PDZRN3: variants seen among roughly 807,000 people sequenced by gnomAD.
The protein encoded by PDZRN3 is E3 ubiquitin-protein ligase PDZRN3.
A neutral mutation model predicts 85.7 loss-of-function variants in PDZRN3; 38 were observed. The ratio of observed to expected loss-of-function variants is 0.44; its 90% CI spans 0.34 to 0.58. The LOEUF is 0.58. Ranked by LOEUF, PDZRN3 falls within the 20% of genes least tolerant of loss-of-function variation. The probability of loss-of-function intolerance (pLI) is 0.01; values close to 1 mark genes in which losing one functional copy is unlikely to be tolerated. For synonymous variants in PDZRN3, 759 were observed against 638.0 expected, an observed-to-expected ratio of 1.19 and a Z score of -2.86; for missense variants, 1,629 against 1,506.4, an observed-to-expected ratio of 1.08 and a Z score of -1.35.
chr3:73,618,682 C>T (rs996614717), intron 1 of PDZRN3, among the ~76,000 whole-genome samples: 1 of 152,216 alleles, frequency 6.6e-6, no homozygotes, highest in African/African-American at 2.4e-5. Context: ...TATAGCGAGG[C>T]AAGCACCATT....
rs569755805 is a variant in PDZRN3 at position 73,383,206 on chromosome 3, T to C, written c.*159A>G. 3.6e-5 allele frequency: 22 copies of C among 611,498 alleles called. No homozygotes were observed. The highest frequency in any genetic ancestry group is 6.6e-5 in the Admixed American group (2 of 30,420). 37.9% of individuals were successfully genotyped at this position (611,498 alleles called of 1,614,324 possible). On this transcript the variant is annotated 3_prime_UTR_variant, in exon 10 of 10. Coordinates refer to ENST00000263666, the MANE Select transcript of PDZRN3 (RefSeq NM_015009.3). ...TGTTTTTCTCTCTCTTCCCTTAAAA[T>C]AGACCTATGACACCCAGAGTTGTAG...
intron 3 of PDZRN3, among the ~76,000 whole-genome samples, chr3:73,518,653 C>A (rs929245008): frequency 6.6e-6 from 1 of 152,034 alleles, no homozygotes; most frequent in Non-Finnish European, 1.5e-5. Flanking sequence ...TTCATAGTTC[C>A]AGAGGCTGAG....
chr3:73,458,289 C>T (rs1285984622), intron 3 of PDZRN3, among the ~76,000 whole-genome samples: 1 of 151,798 alleles, frequency 6.6e-6, no homozygotes, highest in East Asian at 1.9e-4. Flanking sequence ...ATGCCCGTAA[C>T]AGCTGTTAAC....
At chr3:73,586,755 T>C (rs1702284228) in intron 3 of PDZRN3, among the ~76,000 whole-genome samples, 1 of 152,108 alleles carries the variant, frequency 6.6e-6, no homozygotes, top group Admixed American at 6.5e-5. Context: ...GATACAAATC[T>C]CCTCAACTGG....
intron 3 of PDZRN3, among the ~76,000 whole-genome samples, chr3:73,574,723 G>T (rs1702098151): frequency 6.6e-6 from 1 of 152,164 alleles, no homozygotes; most frequent in Admixed American, 6.5e-5. Context: ...CCTCCCAAAG[G>T]GGGAACAAGC....
chr3:73,388,268 A>G (rs1037692827), intron 7 of PDZRN3, 199 bp from the exon 8 acceptor site: 9 of 431,706 alleles, frequency 2.1e-5, no homozygotes, highest in African/African-American at 1.2e-4. Context: ...TCTCTGGTCT[A>G]TAAGGGAGCC....
chr3:73,514,112 T>C (rs1024399082), intron 3 of PDZRN3, among the ~76,000 whole-genome samples: 4 of 152,222 alleles, frequency 2.6e-5, no homozygotes, highest in Admixed American at 2.6e-4. Flanking sequence ...AAAGGATACT[T>C]AGAAGTACTT....
At chr3:73,607,396 C>G (rs73838587) in intron 2 of PDZRN3, among the ~76,000 whole-genome samples, 19,999 of 152,068 alleles carry the variant, frequency 0.13, 1,961 homozygotes, top group African/African-American at 0.28. Context: ...CTCCAACGGC[C>G]CCTCCCCAGG....
At chr3:73,461,952 G>A (rs1287741957) in intron 3 of PDZRN3, among the ~76,000 whole-genome samples, 1 of 152,106 alleles carries the variant, frequency 6.6e-6, no homozygotes, top group African/African-American at 2.4e-5. Context: ...TAAATACACA[G>A]AATCTCATAT....
chr3:73,385,603 T>C (rs1399615343), intron 9 of PDZRN3, 66 bp downstream of exon 9: 1 of 945,202 alleles, frequency 1.1e-6, no homozygotes, highest in Non-Finnish European at 1.7e-6. Context: ...TAAAGGGAGA[T>C]GGAGGAAGCA....
intron 3 of PDZRN3, among the ~76,000 whole-genome samples, chr3:73,510,591 T>G (rs1170307263): frequency 6.6e-6 from 1 of 152,194 alleles, no homozygotes; most frequent in Admixed American, 6.5e-5. Flanking sequence ...GATCGACTCC[T>G]GCAGTGGGGA....
At chr3:73,472,920 T>C (rs1428671894) in intron 3 of PDZRN3, among the ~76,000 whole-genome samples, 1 of 152,222 alleles carries the variant, frequency 6.6e-6, no homozygotes, top group Admixed American at 6.5e-5. Flanking sequence ...CAAATATGCA[T>C]TCAAGATATA....
At chr3:73,487,697 C>G (rs969470132) in intron 3 of PDZRN3, among the ~76,000 whole-genome samples, 1 of 152,172 alleles carries the variant, frequency 6.6e-6, no homozygotes, top group African/African-American at 2.4e-5. Context: ...CCTTGATTTT[C>G]TCCAAGCACC....
At position 73,624,922 on chromosome 3, in the gene PDZRN3, T is replaced by G; in HGVS notation, c.-97A>C. ...CAGGCCGGCTACGCCGCCCGCGCGC[T>G]CGCTGGCTCTCCCCGGACTGAGCCT... On this transcript the variant is annotated 5_prime_UTR_variant, in exon 1 of 10. Coordinates refer to ENST00000263666, the MANE Select transcript of PDZRN3 (RefSeq NM_015009.3). The G allele has an allele frequency of 2.1e-6, 2 of 934,054 alleles. No homozygotes were observed. Among genetic ancestry groups the G allele is most frequent in the Non-Finnish European group, 2.8e-6 (2 of 714,916 alleles). The allele number at this position is 934,054 out of a possible 1,614,324, so 57.9% of individuals were successfully genotyped here. A position where few individuals can be genotyped will look rare whatever the true frequency, so the allele number is the denominator to read the frequency against.
chr3:73,488,990 T>A (rs149021552), intron 3 of PDZRN3, among the ~76,000 whole-genome samples: 1 of 152,336 alleles, frequency 6.6e-6, no homozygotes, highest in East Asian at 1.9e-4. Flanking sequence ...TCGATAGGCC[T>A]AACGCATCCT....
At position 73,624,497 on chromosome 3, in the gene PDZRN3, G is replaced by A; in HGVS notation, c.329C>T (p.Ala110Val). ...GCCGCAACCCGCGTGGCGACAGCGC[G>A]CGGGCGCGAAGTCGCAGCGCTCGAG... Reference protein sequence around the residue: ...EHLERCDFAPARCRHAGCGQV... With the variant: ...EHLERCDFAPVRCRHAGCGQV... Residue 110 changes from alanine to valine, a missense_variant, in exon 1 of 10, where the codon GCG (alanine) becomes GTG (valine). Ala to Val is a moderately conservative substitution (Grantham distance 64). Transcript: ENST00000263666. The A allele has an allele frequency of 8.4e-6, 12 of 1,423,634 alleles. No individual in the cohort carries two copies. Among genetic ancestry groups the A allele is most frequent in the Non-Finnish European group, 1.1e-5 (12 of 1,096,080 alleles). 88.2% of individuals were successfully genotyped at this position (1,423,634 alleles called of 1,614,324 possible).
chr3:73,474,036 C>G (rs1221983635), intron 3 of PDZRN3, among the ~76,000 whole-genome samples: 2 of 152,226 alleles, frequency 1.3e-5, no homozygotes, highest in East Asian at 3.8e-4. Context: ...AGCCTGGACT[C>G]AAACCTAAGC....
At chr3:73,592,959 G>A (rs915150218) in intron 3 of PDZRN3, among the ~76,000 whole-genome samples, 2 of 152,040 alleles carry the variant, frequency 1.3e-5, no homozygotes, top group Non-Finnish European at 1.5e-5. Context: ...CGTTCCCCTA[G>A]CGCTCGCTCA....
intron 3 of PDZRN3, among the ~76,000 whole-genome samples, chr3:73,544,251 A>G (rs1701366794): frequency 1.3e-5 from 2 of 152,188 alleles, no homozygotes; most frequent in South Asian, 4.1e-4. Flanking sequence ...ATCCAACCCC[A>G]CACCGTTGGT....
Sources: gnomAD v4.1 joint callset for allele counts (sites outside exome capture counted in the v4.1 genomes callset) on GRCh38, gnomAD v4.1.1 for gene constraint, MANE v1.5 for transcripts, NCBI Gene and HGNC (gene_info 2026-07-23, HGNC 2026-07-21) for gene names.